ST8SIA1: variants seen among roughly 807,000 people sequenced by gnomAD.
The protein encoded by ST8SIA1 is ST8 alpha-N-acetyl-neuraminide alpha-2,8-sialyltransferase 1, also known as alpha-N-acetylneuraminide alpha-2,8-sialyltransferase.
A neutral mutation model predicts 35.9 loss-of-function variants in ST8SIA1; 16 were observed. That is an observed-to-expected ratio of 0.45 (90% CI 0.30 to 0.68). The LOEUF is 0.68. Ranked by LOEUF, ST8SIA1 falls within the 30% of genes least tolerant of loss-of-function variation. The probability of loss-of-function intolerance (pLI) is 0.09; values close to 1 mark genes in which losing one functional copy is unlikely to be tolerated. For missense variants in ST8SIA1, 383 were observed against 453.6 expected, an observed-to-expected ratio of 0.84 and a Z score of 1.41; for synonymous variants, 170 against 169.6, an observed-to-expected ratio of 1.00 and a Z score of -0.02.
chr12:22,308,528 G>T (rs115748109), intron 1 of ST8SIA1, among the ~76,000 whole-genome samples: 329 of 152,094 alleles, frequency 2.2e-3, no homozygotes, highest in African/African-American at 7.5e-3. Context: ...CTAAATTAAA[G>T]AAAAATTCTT....
chr12:22,270,226 C>G (rs1027152719), intron 2 of ST8SIA1, among the ~76,000 whole-genome samples: 2 of 152,214 alleles, frequency 1.3e-5, no homozygotes, highest in African/African-American at 4.8e-5. Flanking sequence ...ACACTTTTGG[C>G]TCAGCCTCAA....
intron 2 of ST8SIA1, among the ~76,000 whole-genome samples, chr12:22,263,936 G>A (rs768946004): frequency 1.3e-5 from 2 of 152,140 alleles, no homozygotes; most frequent in African/African-American, 2.4e-5. Context: ...CAGTCATGAT[G>A]TCAAAACATA....
chr12:22,271,232 G>C (rs1284733703), intron 2 of ST8SIA1, among the ~76,000 whole-genome samples: 1 of 152,138 alleles, frequency 6.6e-6, no homozygotes, highest in East Asian at 1.9e-4. Context: ...TTTCTTATAA[G>C]TGTACTAAAC....
At chr12:22,274,548 G>A (rs144351639) in intron 2 of ST8SIA1, among the ~76,000 whole-genome samples, 60 of 152,270 alleles carry the variant, frequency 3.9e-4, no homozygotes, top group African/African-American at 6.3e-4. Context: ...TAAGAATAGC[G>A]AAAAGAAATA....
chr12:22,226,027 C>T (rs1865353623), intron 4 of ST8SIA1, among the ~76,000 whole-genome samples: 1 of 152,074 alleles, frequency 6.6e-6, no homozygotes, highest in South Asian at 2.1e-4. Flanking sequence ...CTTTTAATTG[C>T]TTTTGAATTA....
intron 1 of ST8SIA1, among the ~76,000 whole-genome samples, chr12:22,319,350 A>G (rs1448276647): frequency 2.6e-5 from 4 of 152,228 alleles, no homozygotes; most frequent in South Asian, 2.1e-4. Flanking sequence ...TACTCAATAA[A>G]TGTTCATTAA....
chr12:22,243,005 C>T (rs1865557492), intron 4 of ST8SIA1, among the ~76,000 whole-genome samples: 1 of 152,158 alleles, frequency 6.6e-6, no homozygotes, highest in African/African-American at 2.4e-5. Flanking sequence ...CTCCTTCTTA[C>T]TGTAGCAAAG....
chr12:22,319,431 A>G (rs1866556795), intron 1 of ST8SIA1, among the ~76,000 whole-genome samples: 1 of 152,232 alleles, frequency 6.6e-6, no homozygotes, highest in Non-Finnish European at 1.5e-5. Flanking sequence ...ACTACTTATA[A>G]GTTATAAACC....
At chr12:22,237,064 C>G (rs945133648) in intron 4 of ST8SIA1, among the ~76,000 whole-genome samples, 1 of 151,976 alleles carries the variant, frequency 6.6e-6, no homozygotes, top group Non-Finnish European at 1.5e-5. Context: ...GTGGTATTGT[C>G]AAAATAAGTT....
chr12:22,296,881 G>A (rs941511488), intron 1 of ST8SIA1, among the ~76,000 whole-genome samples: 2 of 152,272 alleles, frequency 1.3e-5, no homozygotes, highest in Admixed American at 1.3e-4. Context: ...GTCACCACAT[G>A]AACACCTATA....
chr12:22,249,084 G>A lies in ST8SIA1; in HGVS notation c.506C>T (p.Pro169Leu). The A allele has an allele frequency of 6.2e-7, 1 of 1,612,522 alleles. No homozygotes were observed. The highest frequency in any genetic ancestry group is 8.5e-7 in the Non-Finnish European group (1 of 1,178,798). The change falls in exon 4 of 5, where the codon CCT becomes CTT. Residue 169 changes from proline to leucine, a missense_variant. Coordinates refer to ENST00000396037, the MANE Select transcript of ST8SIA1 (RefSeq NM_003034.4). ...ANFVMRCNLP[P>L]LSSEYTKDVG... Reference sequence around the variant, plus strand: ...ATCCTTAGTGTATTCACTTGACAAAGGAGGGAGATTGCATCTAGAGAAACA... The same window carrying A: ...ATCCTTAGTGTATTCACTTGACAAAAGAGGGAGATTGCATCTAGAGAAACA...
chr12:22,208,542 A>C (rs1403722491), intron 4 of ST8SIA1, among the ~76,000 whole-genome samples: 1 of 152,280 alleles, frequency 6.6e-6, no homozygotes, highest in East Asian at 1.9e-4. Context: ...GGAATATTGA[A>C]AGATGCCTCC....
At chr12:22,209,887 ATT>A (rs1865158874) in intron 4 of ST8SIA1, among the ~76,000 whole-genome samples, 1 of 152,094 alleles carries the variant, frequency 6.6e-6, no homozygotes, top group African/African-American at 2.4e-5. Context: ...CTTCATTTAT[ATT>A]TGTCTCCTCT....
intron 2 of ST8SIA1, among the ~76,000 whole-genome samples, chr12:22,262,554 A>C (rs9919724): frequency 6.6e-6 from 1 of 152,152 alleles, no homozygotes; most frequent in Non-Finnish European, 1.5e-5. Context: ...TAATTGTGTG[A>C]CCTCTAGAAG....
At position 22,194,418 on chromosome 12, in the gene ST8SIA1, T is replaced by C. The variant is rs190483121; in HGVS notation, c.*7134A>G. ...ACTATTGTGCATTTCTATAAAATAG[T>C]CACATTTGCTACATTTATAGGACTT... On this transcript the variant is annotated 3_prime_UTR_variant, in exon 5 of 5. Transcript: ENST00000396037. 43 of 152,328 alleles carry C rather than the reference T, an allele frequency of 2.8e-4. No homozygotes were observed. The East Asian group carries it at 8.1e-3, about 29-fold the overall frequency. 9.4% of individuals were successfully genotyped at this position (152,328 alleles called of 1,614,324 possible).
At chr12:22,284,348 G>A (rs1180599352) in intron 2 of ST8SIA1, among the ~76,000 whole-genome samples, 2 of 152,122 alleles carry the variant, frequency 1.3e-5, no homozygotes, top group Non-Finnish European at 2.9e-5. Context: ...TGCTGAAAAC[G>A]CTGAGCCTGG....
At chr12:22,301,824 A>C (rs1306775053) in intron 1 of ST8SIA1, among the ~76,000 whole-genome samples, 1 of 152,074 alleles carries the variant, frequency 6.6e-6, no homozygotes, top group Non-Finnish European at 1.5e-5. Flanking sequence ...CCAGCCTTTT[A>C]ATACCTTGGA....
rs918925905 is a variant in ST8SIA1 at position 22,243,759 on chromosome 12, C to T, written c.584+5247G>A. ...TTCAAATATTTTTATTGGCCGGGTG[C>T]AGTGGCTCACACCTGGAATGCCAGC... On this transcript the variant is annotated intron_variant, in intron 4 of 4. Coordinates refer to ENST00000396037, the MANE Select transcript of ST8SIA1 (RefSeq NM_003034.4). 5.1e-4 allele frequency among the ~76,000 whole-genome samples: 77 copies of T among 152,254 alleles called. 1 individual carries two copies. Among genetic ancestry groups the T allele is most frequent in the African/African-American group, 1.8e-3 (73 of 41,532 alleles).
intron 1 of ST8SIA1, among the ~76,000 whole-genome samples, chr12:22,330,817 A>C (rs1294125923): frequency 6.6e-6 from 1 of 152,190 alleles, no homozygotes; most frequent in Non-Finnish European, 1.5e-5. Context: ...TAAATTCTGA[A>C]TTCAGGTTCA....
Sources: allele counts gnomAD v4.1 joint callset (sites outside exome capture counted in the v4.1 genomes callset), GRCh38; gene constraint gnomAD v4.1.1; transcripts MANE v1.5; gene names NCBI Gene and HGNC (gene_info 2026-07-23, HGNC 2026-07-21).